TMEM269: variants seen among roughly 807,000 people sequenced by gnomAD.
TMEM269 encodes the protein transmembrane protein 269.
Under a neutral mutation model 15.8 loss-of-function variants are expected in TMEM269, and 12 were observed. The observed-to-expected ratio is 0.76, with a 90% CI of 0.49 to 1.23. TMEM269 has a LOEUF of 1.23. TMEM269 is among the 50% of genes most tolerant of loss of function. The probability of loss-of-function intolerance (pLI) is 0.00; values close to 1 mark genes in which losing one functional copy is unlikely to be tolerated. For missense variants in TMEM269, 211 were observed against 245.4 expected, an observed-to-expected ratio of 0.86 and a Z score of 0.94; for synonymous variants, 93 against 99.3, an observed-to-expected ratio of 0.94 and a Z score of 0.38.
Position 42,798,538 on chromosome 1 carries a change from A to G in TMEM269, c.*313A>G, listed in dbSNP as rs138204321. The G allele has an allele frequency of 1.8e-3, 580 of 318,006 alleles. 1 individual carries two copies. The highest frequency in any genetic ancestry group is 0.011 in the African/African-American group (547 of 47,748). The allele number at this position is 318,006 out of a possible 1,614,324, so 19.7% of individuals were successfully genotyped here. On this transcript the variant is annotated 3_prime_UTR_variant, in exon 6 of 6. Coordinates refer to ENST00000637012, the MANE Select transcript of TMEM269 (RefSeq NM_001354602.2). ...ATTACCAGCCGGGTGACTGTGTGCT[A>G]CTAAGGTCCATCCCTTGGAAAGGAG...
chr1:42,798,094 C>G lies in TMEM269; in HGVS notation c.485-4C>G. ...TTGAGTGTCTGCACTTTTTGTTCTT[C>G]CAGGTGTCATCATGCTGTTTTTCTC... is the stretch of plus-strand genomic sequence containing the variant. On this transcript the variant is annotated splice_region_variant and splice_polypyrimidine_tract_variant and intron_variant, in intron 5 of 5. Transcript: ENST00000637012. 1.9e-6 allele frequency: 3 copies of G among 1,550,992 alleles called. No homozygotes were observed. The highest frequency in any genetic ancestry group is 2.6e-6 in the Non-Finnish European group (3 of 1,147,096).
chr1:42,792,691 G>T, intron 2 of TMEM269, 114 bp from the exon 3 acceptor site: 1 of 683,292 alleles, frequency 1.5e-6, no homozygotes. Context: ...AAGTGTGGGA[G>T]GTGTGTGGGA....
intron 2 of TMEM269, 40 bp downstream of exon 2, chr1:42,789,974 A>G (rs1455746653): frequency 2.1e-6 from 3 of 1,415,802 alleles, no homozygotes; most frequent in Non-Finnish European, 2.9e-6. Context: ...CAAGAGCTGG[A>G]GCCAATGGCA....
Position 42,798,321 on chromosome 1 carries a change from G to A in TMEM269, c.*96G>A, listed in dbSNP as rs1653824247. 2 of 1,462,528 alleles carry A rather than the reference G, an allele frequency of 1.4e-6. No homozygotes were observed. Among genetic ancestry groups the A allele is most frequent in the Non-Finnish European group, 9.2e-7 (1 of 1,089,746 alleles). 90.6% of individuals were successfully genotyped at this position (1,462,528 alleles called of 1,614,324 possible). A position where few individuals can be genotyped will look rare whatever the true frequency, so the allele number is the denominator to read the frequency against. On this transcript the variant is annotated 3_prime_UTR_variant, in exon 6 of 6. Transcript: ENST00000637012. ...GCACTAAAGCTTTGTATGTACCTGT[G>A]TTGCCATATACTAGATATATGGTAT...
intron 1 of TMEM269, among the ~76,000 whole-genome samples, chr1:42,787,546 GC>G (rs1215017815): frequency 5.6e-5 from 8 of 142,448 alleles, no homozygotes; most frequent in African/African-American, 2.1e-4. Flanking sequence ...CTTGCAGTGA[GC>G]CGAGATTGTG....
intron 2 of TMEM269, 84 bp from the exon 3 acceptor site, chr1:42,792,706 TATTAGTGTATACTAA>T (rs1262904362): frequency 1.4e-6 from 1 of 727,644 alleles, no homozygotes; most frequent in Non-Finnish European, 2.5e-6. Flanking sequence ...GTGGGAAGTA[TATTAGTGTATACTAA>T]TATACTAATG....
rs1382869008 is a variant in TMEM269, at chr1:42,797,095, A to G, written c.485-1003A>G. Among the ~76,000 whole-genome samples, 1 of 152,190 alleles carries G rather than the reference A, an allele frequency of 6.6e-6. No homozygotes were observed. The highest frequency in any genetic ancestry group is 6.5e-5 in the Admixed American group (1 of 15,284). On this transcript the variant is annotated intron_variant, in intron 5 of 5. Coordinates refer to ENST00000637012, the MANE Select transcript of TMEM269 (RefSeq NM_001354602.2). This position sits in a 1 kb window ranked among gnomAD's most constrained non-coding sequence, Gnocchi z 4.9. ...AATGAAAAAAATGTACACATCTAGC[A>G]GAATGTCTAGTGCAAAATAGATATT...
chr1:42,785,762 G>T (rs1653530728), intron 1 of TMEM269, among the ~76,000 whole-genome samples: 1 of 152,144 alleles, frequency 6.6e-6, no homozygotes, highest in Non-Finnish European at 1.5e-5. Context: ...TCATTCCCTG[G>T]GCCAAGAATG....
Position 42,797,957 on chromosome 1 carries a change from G to A in TMEM269, c.485-141G>A, listed in dbSNP as rs1194927680. The stretch of plus-strand genomic sequence containing the variant: ...CTATTAAACTGAACTTGAAGACAGG[G>A]CTCCTGTCTCTTTCTGTTTGTTTCT... On this transcript the variant is annotated intron_variant, in intron 5 of 5. Transcript: ENST00000637012. This position sits in a 1 kb window ranked among gnomAD's most constrained non-coding sequence, Gnocchi z 4.9. The A allele has an allele frequency of 1.1e-6, 1 of 908,396 alleles. No individual in the cohort carries two copies. The highest frequency in any genetic ancestry group is 2.0e-5 in the Admixed American group (1 of 48,838). The allele number at this position is 908,396 out of a possible 1,614,324, so 56.3% of individuals were successfully genotyped here. A position where few individuals can be genotyped will look rare whatever the true frequency, so the allele number is the denominator to read the frequency against.
At chr1:42,785,570 G>A (rs896364938) in intron 1 of TMEM269, among the ~76,000 whole-genome samples, 2 of 151,862 alleles carry the variant, frequency 1.3e-5, no homozygotes, top group Non-Finnish European at 2.9e-5. Context: ...AAGCCGCCCT[G>A]CGCTTCCTGC....
Position 42,794,561 on chromosome 1 carries a change from A to G in TMEM269, c.432A>G (p.Pro144=). The G allele has an allele frequency of 1.3e-6, 2 of 1,550,946 alleles. No homozygotes were observed. The highest frequency in any genetic ancestry group is 2.4e-5 in the South Asian group (2 of 84,060). The change falls in exon 5 of 6, where the codon CCA becomes CCG. Residue 144 remains proline (P), a synonymous_variant. Coordinates refer to ENST00000637012, the MANE Select transcript of TMEM269 (RefSeq NM_001354602.2). ...TCATGATGGACCAGAGCTACTATCC[A>G]TATGACAAAATCCTGGAGTCTGAGA... ...ILFMMDQSYY[P]YDKILESENW... is the part of the protein sequence containing the mutation.
At chr1:42,795,474 G>A (rs1006925574) in intron 5 of TMEM269, among the ~76,000 whole-genome samples, 2 of 152,252 alleles carry the variant, frequency 1.3e-5, no homozygotes, top group Non-Finnish European at 2.9e-5. Context: ...TTGTAGGTCT[G>A]AGAATGCAAG....
At chr1:42,789,266 A>G (rs1275698399) in intron 1 of TMEM269, 3 of 598,424 alleles carry the variant, frequency 5.0e-6, no homozygotes, top group Non-Finnish European at 9.0e-6. Flanking sequence ...TGTGGGAAGT[A>G]GGCCTGCTGT....
intron 3 of TMEM269, among the ~76,000 whole-genome samples, chr1:42,793,352 C>A (rs1653733875): frequency 6.6e-6 from 1 of 152,188 alleles, no homozygotes; most frequent in Non-Finnish European, 1.5e-5. Context: ...GTAGTCCAAG[C>A]CTTGCATGTT....
At chr1:42,792,450 TG>T (rs758786840) in intron 2 of TMEM269, among the ~76,000 whole-genome samples, 1 of 152,148 alleles carries the variant, frequency 6.6e-6, no homozygotes, top group East Asian at 1.9e-4. Flanking sequence ...CATAGGGAGA[TG>T]GTGGCAGAGG....
chr1:42,786,415 G>A (rs1428908553), intron 1 of TMEM269, among the ~76,000 whole-genome samples: 4 of 152,212 alleles, frequency 2.6e-5, no homozygotes, highest in Admixed American at 2.0e-4. Context: ...GCTCAGGGGT[G>A]ATGTCAGAGG....
intron 1 of TMEM269, among the ~76,000 whole-genome samples, chr1:42,786,886 G>T (rs1653551044): frequency 6.6e-6 from 1 of 152,118 alleles, no homozygotes; most frequent in African/African-American, 2.4e-5. Flanking sequence ...TCACACCTGG[G>T]ACCTGTGCAT....
At chr1:42,790,313 A>C (rs187136499) in intron 2 of TMEM269, among the ~76,000 whole-genome samples, 1 of 152,124 alleles carries the variant, frequency 6.6e-6, no homozygotes, top group Non-Finnish European at 1.5e-5. Flanking sequence ...AGCAAATTCT[A>C]TTTCTGTAAG....
chr1:42,794,509 G>A lies in TMEM269; in HGVS notation c.380G>A (p.Cys127Tyr). 1 of 1,550,722 alleles carries A rather than the reference G, an allele frequency of 6.4e-7. No homozygotes were observed. Among genetic ancestry groups the A allele is most frequent in the South Asian group, 1.2e-5 (1 of 84,056 alleles). The change falls in exon 5 of 6, where the codon TGC (cysteine) becomes TAC (tyrosine). Residue 127 changes from cysteine to tyrosine, a missense_variant. By Grantham distance (194) the Cys-to-Tyr change is radical. Coordinates refer to ENST00000637012, the MANE Select transcript of TMEM269 (RefSeq NM_001354602.2). ...LLTKGNRFIL[C>Y]CMASLMILFM... is the part of the protein sequence containing the mutation. ...ACCAAAGGCAACAGGTTCATCCTCT[G>A]CTGCATGGCCTCACTCATGATTCTC...
Sources: gnomAD v4.1 joint callset for allele counts (sites outside exome capture counted in the v4.1 genomes callset) on GRCh38, gnomAD v4.1.1 for gene constraint, Gnocchi (gnomAD v3.1) non-coding constraint, MANE v1.5 for transcripts, NCBI Gene and HGNC (gene_info 2026-07-23, HGNC 2026-07-21) for gene names.